KCNH7: variants seen among roughly 807,000 people sequenced by gnomAD.
KCNH7 encodes the protein voltage-gated inwardly rectifying potassium channel KCNH7.
In KCNH7, 49 loss-of-function variants were observed where a neutral mutation model predicts 120.8. That is an observed-to-expected ratio of 0.41 (90% CI 0.32 to 0.51). The LOEUF is 0.51. KCNH7 is among the 20% of genes least tolerant of loss of function. KCNH7 has a pLI of 0.38. For synonymous variants in KCNH7, 547 were observed against 516.1 expected, an observed-to-expected ratio of 1.06 and a Z score of -0.81; for missense variants, 1,097 against 1,446.6, an observed-to-expected ratio of 0.76 and a Z score of 3.92.
chr2:162,741,259 C>T (rs981498912), intron 2 of KCNH7, among the ~76,000 whole-genome samples: 2 of 148,980 alleles, frequency 1.3e-5, no homozygotes, highest in African/African-American at 4.9e-5. Context: ...ATTAGTTATA[C>T]ATATTAATAA....
At chr2:162,518,776 C>T (rs1691410615) in intron 3 of KCNH7, among the ~76,000 whole-genome samples, 1 of 148,410 alleles carries the variant, frequency 6.7e-6, no homozygotes, top group African/African-American at 2.5e-5. Flanking sequence ...GAGCGATGTA[C>T]TGTACTGGTA....
chr2:162,733,470 C>G (rs971646331), intron 2 of KCNH7, among the ~76,000 whole-genome samples: 4 of 152,210 alleles, frequency 2.6e-5, no homozygotes, highest in African/African-American at 9.6e-5. Flanking sequence ...AATCTGCCTT[C>G]TGTATTTTTC....
chr2:162,414,564 GA>G (rs1200542309), intron 9 of KCNH7, among the ~76,000 whole-genome samples: 2 of 151,658 alleles, frequency 1.3e-5, no homozygotes, highest in Admixed American at 1.3e-4. Flanking sequence ...GAGAAACATG[GA>G]CTGCACATAA....
chr2:162,491,319 A>ATAAC (rs1303326064), intron 6 of KCNH7, among the ~76,000 whole-genome samples: 4 of 152,204 alleles, frequency 2.6e-5, no homozygotes, highest in Non-Finnish European at 5.9e-5. Context: ...GCCAGGAGTT[A>ATAAC]ACACAGCCCT....
rs113821707 is a variant in KCNH7 at position 162,720,072 on chromosome 2, C to T, written c.307+116465G>A. On this transcript the variant is annotated intron_variant, in intron 2 of 15. Transcript: ENST00000332142. ...GAGATAGGTCTTATCAGGAAGTCCACGAATCAAGTATTTTTACTTGCACAC... is the reference window on the plus strand; with the variant it reads ...GAGATAGGTCTTATCAGGAAGTCCATGAATCAAGTATTTTTACTTGCACAC... Among the ~76,000 whole-genome samples the T allele has an allele frequency of 9.1e-3, 1,385 of 151,966 alleles. 26 individuals carry two copies. Among genetic ancestry groups the T allele is most frequent in the African/African-American group, 0.032 (1,310 of 41,496 alleles).
At chr2:162,373,394 C>G in intron 15 of KCNH7, 76 bp downstream of exon 15, 1 of 1,065,342 alleles carries the variant, frequency 9.4e-7, no homozygotes. Flanking sequence ...CCACAGCACC[C>G]CAAGTGATTC....
intron 2 of KCNH7, among the ~76,000 whole-genome samples, chr2:162,731,596 A>G (rs904265203): frequency 2.6e-5 from 4 of 151,930 alleles, no homozygotes; most frequent in African/African-American, 9.7e-5. Context: ...ATTTTATAAA[A>G]CAAGCAATAT....
At chr2:162,402,857 T>A (rs1687104837) in intron 9 of KCNH7, among the ~76,000 whole-genome samples, 1 of 151,800 alleles carries the variant, frequency 6.6e-6, no homozygotes, top group Admixed American at 6.6e-5. Context: ...ACACATGCTT[T>A]GAGTTGGAAG....
Position 162,573,290 on chromosome 2 carries a change from G to C in KCNH7, c.308-36210C>G, listed in dbSNP as rs140159493. Among the ~76,000 whole-genome samples, 401 of 151,996 alleles carry C rather than the reference G, an allele frequency of 2.6e-3. 4 individuals carry two copies. The highest frequency in any genetic ancestry group is 9.0e-3 in the African/African-American group (374 of 41,512). ...CATGACTGAGTGTGAGAACATCAAGGGTAAGAATAGTAGCTCATTCTTTAA... is the reference window on the plus strand; with the variant it reads ...CATGACTGAGTGTGAGAACATCAAGCGTAAGAATAGTAGCTCATTCTTTAA... On this transcript the variant is annotated intron_variant, in intron 2 of 15. Coordinates refer to ENST00000332142, the MANE Select transcript of KCNH7 (RefSeq NM_033272.4).
intron 2 of KCNH7, among the ~76,000 whole-genome samples, chr2:162,543,362 G>A (rs1023794654): frequency 2.0e-5 from 3 of 151,970 alleles, no homozygotes; most frequent in Non-Finnish European, 2.9e-5. Flanking sequence ...AGATTGTTAG[G>A]TGGTTGATGT....
intron 2 of KCNH7, among the ~76,000 whole-genome samples, chr2:162,707,783 G>A (rs1025937972): frequency 1.6e-4 from 25 of 152,168 alleles, no homozygotes; most frequent in African/African-American, 5.3e-4. Flanking sequence ...CTACTACTAC[G>A]TTTACCCCAT....
intron 2 of KCNH7, among the ~76,000 whole-genome samples, chr2:162,646,201 A>G (rs1684353552): frequency 6.6e-6 from 1 of 152,218 alleles, no homozygotes; most frequent in Admixed American, 6.5e-5. Context: ...ATTAGAACTG[A>G]GAATGCCCAC....
At chr2:162,762,905 A>T (rs1574355494) in intron 2 of KCNH7, among the ~76,000 whole-genome samples, 1 of 152,216 alleles carries the variant, frequency 6.6e-6, no homozygotes, top group East Asian at 1.9e-4. Context: ...ATATTCTATG[A>T]AATTAAGGAA....
intron 2 of KCNH7, among the ~76,000 whole-genome samples, chr2:162,758,781 C>A (rs1270053975): frequency 6.6e-6 from 1 of 152,026 alleles, no homozygotes; most frequent in Non-Finnish European, 1.5e-5. Flanking sequence ...AGTCAATTTA[C>A]ACAAGTTTCA....
chr2:162,775,434 G>A (rs1683199567), intron 2 of KCNH7, among the ~76,000 whole-genome samples: 2 of 152,120 alleles, frequency 1.3e-5, no homozygotes, highest in Admixed American at 6.5e-5. Flanking sequence ...AGGCATTGAT[G>A]AGTTGTGGTT....
intron 6 of KCNH7, among the ~76,000 whole-genome samples, chr2:162,487,528 G>A (rs1690143151): frequency 6.6e-6 from 1 of 152,042 alleles, no homozygotes; most frequent in Non-Finnish European, 1.5e-5. Flanking sequence ...CATTGATCAG[G>A]AAATTTTGAG....
At chr2:162,718,223 C>T (rs768604451) in intron 2 of KCNH7, among the ~76,000 whole-genome samples, 3 of 151,796 alleles carry the variant, frequency 2.0e-5, no homozygotes, top group Non-Finnish European at 4.4e-5. Context: ...AGATTGGATG[C>T]GTTCAGGGTG....
chr2:162,380,114 G>T, intron 13 of KCNH7, 93 bp from the exon 14 acceptor site: 1 of 1,451,706 alleles, frequency 6.9e-7, no homozygotes, highest in Non-Finnish European at 9.5e-7. Context: ...GGAAAGGATC[G>T]GAGTATAACC....
chr2:162,676,877 G>C (rs1331603280), intron 2 of KCNH7, among the ~76,000 whole-genome samples: 2 of 151,228 alleles, frequency 1.3e-5, no homozygotes, highest in African/African-American at 4.8e-5. Flanking sequence ...GCTTCCCTGG[G>C]AAATATTACT....
Sources: gnomAD v4.1 joint callset for allele counts (sites outside exome capture counted in the v4.1 genomes callset) on GRCh38, gnomAD v4.1.1 for gene constraint, MANE v1.5 for transcripts, NCBI Gene and HGNC (gene_info 2026-07-23, HGNC 2026-07-21) for gene names.